NRG3: variants seen among roughly 807,000 people sequenced by gnomAD.
NRG3 encodes neuregulin 3.
Under a neutral mutation model 66.9 loss-of-function variants are expected in NRG3, and 31 were observed. The observed-to-expected ratio is 0.46, with a 90% CI of 0.35 to 0.63. NRG3 has a LOEUF of 0.63. Ranked by LOEUF, NRG3 falls within the 20% of genes least tolerant of loss-of-function variation. The probability of loss-of-function intolerance (pLI) is 0.00; values close to 1 mark genes in which losing one functional copy is unlikely to be tolerated. For synonymous variants in NRG3, 393 were observed against 359.4 expected (o/e 1.09, Z -1.06); for missense variants, 910 against 878.9 (o/e 1.04, Z -0.45).
At chr10:81,894,419 G>C (rs1394294382) in intron 1 of NRG3, among the ~76,000 whole-genome samples, 1 of 152,192 alleles carries the variant, frequency 6.6e-6, no homozygotes, top group Non-Finnish European at 1.5e-5. Context: ...GTCTGCAGCA[G>C]AGTTTGTTTC....
chr10:82,413,996 T>A (rs2088327577), intron 2 of NRG3, among the ~76,000 whole-genome samples: 1 of 152,110 alleles, frequency 6.6e-6, no homozygotes, highest in Non-Finnish European at 1.5e-5. Flanking sequence ...CAATAAGGCT[T>A]TTTTGCTTTC....
intron 2 of NRG3, among the ~76,000 whole-genome samples, chr10:82,616,363 CA>C (rs1358572302): frequency 6.6e-6 from 1 of 152,108 alleles, no homozygotes; most frequent in Admixed American, 6.6e-5. Flanking sequence ...CGCTTGTGTA[CA>C]ATTCTTTTTT....
chr10:81,991,801 A>G (rs972011562), intron 1 of NRG3, among the ~76,000 whole-genome samples: 13 of 152,262 alleles, frequency 8.5e-5, no homozygotes, highest in African/African-American at 3.1e-4. Flanking sequence ...CTTTTCTCTT[A>G]AGTAAAATAA....
chr10:82,127,776 G>C (rs1227671695), intron 1 of NRG3, among the ~76,000 whole-genome samples: 2 of 151,876 alleles, frequency 1.3e-5, no homozygotes, highest in Admixed American at 1.3e-4. Flanking sequence ...CACTGATCTT[G>C]ACAATGCAAA....
At chr10:82,088,975 A>C (rs1043373609) in intron 1 of NRG3, among the ~76,000 whole-genome samples, 28 of 152,202 alleles carry the variant, frequency 1.8e-4, no homozygotes, top group African/African-American at 6.7e-4. Flanking sequence ...TGCTCAACTT[A>C]AAAACCAGCA....
At chr10:82,259,948 C>A (rs1300851255) in intron 1 of NRG3, among the ~76,000 whole-genome samples, 5 of 151,216 alleles carry the variant, frequency 3.3e-5, no homozygotes, top group East Asian at 1.9e-4. Flanking sequence ...AAAAACAAAA[C>A]AAAACTGATA....
intron 2 of NRG3, among the ~76,000 whole-genome samples, chr10:82,617,323 GACACAC>G (rs148717796): frequency 1.4e-5 from 2 of 140,070 alleles, no homozygotes; most frequent in East Asian, 2.1e-4. Context: ...CGCACACATA[GACACAC>G]ACACACACAG....
intron 2 of NRG3, among the ~76,000 whole-genome samples, chr10:82,363,354 G>A (rs946129203): frequency 2.0e-5 from 3 of 152,176 alleles, no homozygotes; most frequent in Non-Finnish European, 4.4e-5. Context: ...GTGAAAACAC[G>A]TGTCCACAAA....
intron 1 of NRG3, among the ~76,000 whole-genome samples, chr10:82,319,961 A>G (rs2081481920): frequency 6.6e-6 from 1 of 152,212 alleles, no homozygotes; most frequent in African/African-American, 2.4e-5. Flanking sequence ...TGGGAAGGGT[A>G]CTAACTCTAC....
chr10:82,494,967 G>A (rs183132943), intron 2 of NRG3, among the ~76,000 whole-genome samples: 6 of 150,732 alleles, frequency 4.0e-5, no homozygotes, highest in Admixed American at 4.0e-4. Context: ...TTGAGACAGT[G>A]TCTTGCTCTG....
At chr10:82,510,668 A>G (rs567427563) in intron 2 of NRG3, among the ~76,000 whole-genome samples, 7 of 152,232 alleles carry the variant, frequency 4.6e-5, no homozygotes, top group Non-Finnish European at 1.0e-4. Flanking sequence ...AAAGAGAGAT[A>G]TAAGATGAAG....
intron 1 of NRG3, among the ~76,000 whole-genome samples, chr10:82,106,316 G>A (rs1485928903): frequency 6.6e-6 from 1 of 152,126 alleles, no homozygotes; most frequent in Non-Finnish European, 1.5e-5. Context: ...CTGAGCCAAG[G>A]GCATAGATGC....
intron 2 of NRG3, among the ~76,000 whole-genome samples, chr10:82,386,053 G>A (rs893402883): frequency 1.3e-5 from 2 of 152,090 alleles, no homozygotes; most frequent in Non-Finnish European, 1.5e-5. Flanking sequence ...ACTTTTCCAT[G>A]AGGCTTTTCC....
At chr10:82,919,342 C>T (rs1418238015) in intron 4 of NRG3, among the ~76,000 whole-genome samples, 2 of 152,096 alleles carry the variant, frequency 1.3e-5, no homozygotes, top group South Asian at 4.1e-4. Context: ...CTTAAGCCTA[C>T]TTCTAGTCTG....
At chr10:82,415,536 G>A (rs776211515) in intron 2 of NRG3, among the ~76,000 whole-genome samples, 1 of 152,108 alleles carries the variant, frequency 6.6e-6, no homozygotes, top group Non-Finnish European at 1.5e-5. Context: ...TGCCCATCAT[G>A]CATAAAAATA....
At chr10:82,133,241 T>A (rs2069069919) in intron 1 of NRG3, among the ~76,000 whole-genome samples, 1 of 152,126 alleles carries the variant, frequency 6.6e-6, no homozygotes, top group South Asian at 2.1e-4. Flanking sequence ...TACCTCATAT[T>A]TTTTTAACAT....
At chr10:82,290,429 T>C (rs1049877813) in intron 1 of NRG3, among the ~76,000 whole-genome samples, 2 of 152,212 alleles carry the variant, frequency 1.3e-5, no homozygotes, top group African/African-American at 4.8e-5. Flanking sequence ...CTATTTATAC[T>C]GCGAATTAAC....
At chr10:82,126,264 T>G (rs959159903) in intron 1 of NRG3, among the ~76,000 whole-genome samples, 1 of 152,132 alleles carries the variant, frequency 6.6e-6, no homozygotes, top group African/African-American at 2.4e-5. Context: ...TAAATTTATT[T>G]TTCTTTAACA....
rs934330657 is a variant in NRG3 at position 82,577,916 on chromosome 10, T to C, written c.954-160661T>C. Among the ~76,000 whole-genome samples, 3 of 151,746 alleles carry C rather than the reference T, an allele frequency of 2.0e-5. No individual in the cohort carries two copies. The East Asian group carries it at 5.8e-4, about 30-fold the overall frequency. On this transcript the variant is annotated intron_variant, in intron 2 of 8. Coordinates refer to ENST00000372141, the MANE Select transcript of NRG3 (RefSeq NM_001010848.4). ...TATTACAAAATTTCTTTGCAAGCTT[T>C]TTAAAAAGTCTCAGGAAACTGATCA...
Sources: gnomAD v4.1 joint callset for allele counts (sites outside exome capture counted in the v4.1 genomes callset) on GRCh38, gnomAD v4.1.1 for gene constraint, MANE v1.5 for transcripts, NCBI Gene and HGNC (gene_info 2026-07-23, HGNC 2026-07-21) for gene names.